The following TTLL11 variants were observed in gnomAD, a reference collection of about 807,000 sequenced individuals.
TTLL11 encodes tubulin polyglutamylase TTLL11.
A neutral mutation model predicts 51.7 loss-of-function variants in TTLL11; 42 were observed. The ratio of observed to expected loss-of-function variants is 0.81; its 90% CI spans 0.64 to 1.05. The LOEUF (loss-of-function observed/expected upper bound fraction) is 1.05, where lower values mean the gene tolerates loss of function less well. Among genes scored for constraint, TTLL11 ranks in the 50% least tolerant of loss-of-function variants. The pLI is 0.00. For synonymous variants in TTLL11, 381 were observed against 383.5 expected (o/e 0.99, Z 0.08); for missense variants, 799 against 940.4 (o/e 0.85, Z 1.97).
rs1286094434 is a variant in TTLL11 at position 121,821,056 on chromosome 9, T to C, written c.*1531A>G. Among the ~76,000 whole-genome samples, 1 of 152,038 alleles carries C rather than the reference T, an allele frequency of 6.6e-6. No individual in the cohort carries two copies. Among genetic ancestry groups the C allele is most frequent in the Non-Finnish European group, 1.5e-5 (1 of 68,006 alleles). On this transcript the variant is annotated 3_prime_UTR_variant, in exon 9 of 9. Transcript: ENST00000321582. This position sits in a 1 kb window ranked among gnomAD's most constrained non-coding sequence, Gnocchi z 5.0. ...AGGATGAACAGAGCAGCCCCTGCTC[T>C]GAAATCGCTTGCCAACAATTGGAGA...
chr9:121,870,617 T>C lies in TTLL11; in HGVS notation c.1613A>G (p.Lys538Arg). 1 of 1,551,764 alleles carries C rather than the reference T, an allele frequency of 6.4e-7. No homozygotes were observed. Among genetic ancestry groups the C allele is most frequent in the South Asian group, 1.2e-5 (1 of 84,054 alleles). The change falls in exon 7 of 9, where the codon AAG becomes AGG. Residue 538 changes from lysine (K) to arginine (R), a missense_variant. Physicochemically the swap from Lys to Arg is conservative, Grantham distance 26. Around this residue, in one of 3 missense-constraint regions of TTLL11, gnomAD observed 468 missense variants for 612.8 expected, o/e 0.76. Coordinates refer to ENST00000321582, the MANE Select transcript of TTLL11 (RefSeq NM_001139442.2). ...PSICLKQVFP[K>R]YAKQFNYLRL... is the part of the protein sequence containing the mutation. ...CAGGTAGTTGAACTGTTTTGCGTAC[T>C]TGGGGAACACCTGCTTGAGGCAAAT...
At chr9:121,978,163 T>C (rs906024794) in intron 4 of TTLL11, among the ~76,000 whole-genome samples, 2 of 152,170 alleles carry the variant, frequency 1.3e-5, no homozygotes, top group African/African-American at 4.8e-5. Flanking sequence ...CTTTATGACA[T>C]TTTTTCACAA....
chr9:122,009,560 A>T (rs1235160665), intron 3 of TTLL11, among the ~76,000 whole-genome samples: 2 of 151,726 alleles, frequency 1.3e-5, no homozygotes, highest in Non-Finnish European at 2.9e-5. Context: ...TATATACCAT[A>T]ATGTGTACAT....
At chr9:122,026,013 C>G (rs1844322416) in intron 3 of TTLL11, among the ~76,000 whole-genome samples, 1 of 152,116 alleles carries the variant, frequency 6.6e-6, no homozygotes, top group South Asian at 2.1e-4. Context: ...CTGAAAGAAG[C>G]CAGACCTCCC....
chr9:122,045,857 G>C (rs1344644441), intron 1 of TTLL11, among the ~76,000 whole-genome samples: 2 of 152,144 alleles, frequency 1.3e-5, no homozygotes, highest in Non-Finnish European at 2.9e-5. Flanking sequence ...AATTCATAGA[G>C]GCAGAAAGTA....
intron 8 of TTLL11, among the ~76,000 whole-genome samples, chr9:121,832,907 T>C (rs1419366369): frequency 6.6e-6 from 1 of 152,176 alleles, no homozygotes; most frequent in Non-Finnish European, 1.5e-5. Flanking sequence ...ATCAGTGCAC[T>C]CCAGCCTGGG....
In TTLL11 at chr9:121,989,085, G is replaced by T. The variant is rs1843016446; in HGVS notation, c.1269+110C>A. 1 of 1,534,856 alleles carries T rather than the reference G, an allele frequency of 6.5e-7. No individual in the cohort carries two copies. The highest frequency in any genetic ancestry group is 8.8e-7 in the Non-Finnish European group (1 of 1,140,524). On this transcript the variant is annotated intron_variant, in intron 4 of 8. Coordinates refer to ENST00000321582, the MANE Select transcript of TTLL11 (RefSeq NM_001139442.2). This position sits in a 1 kb window ranked among gnomAD's most constrained non-coding sequence, Gnocchi z 4.2. ...CCAAGCCCACAGCACCACCAACACTGTCCCCTCCTCTGGCCATCCCACCCC... is the reference window on the plus strand; with the variant it reads ...CCAAGCCCACAGCACCACCAACACTTTCCCCTCCTCTGGCCATCCCACCCC...
intron 1 of TTLL11, among the ~76,000 whole-genome samples, chr9:122,079,581 C>A (rs1472414456): frequency 2.0e-5 from 3 of 151,758 alleles, no homozygotes; most frequent in African/African-American, 7.3e-5. Context: ...TGGTGGCGGG[C>A]GCCTATGGTC....
intron 6 of TTLL11, among the ~76,000 whole-genome samples, chr9:121,933,940 A>T (rs1346099668): frequency 6.6e-6 from 1 of 152,184 alleles, no homozygotes; most frequent in East Asian, 1.9e-4. Context: ...ATTTAAATCC[A>T]TTGGTCCAGC....
chr9:122,032,671 A>ATT (rs143714595), intron 2 of TTLL11, among the ~76,000 whole-genome samples: 13,722 of 150,298 alleles, frequency 0.091, 857 homozygotes, highest in African/African-American at 0.16. Flanking sequence ...AGGTTGGTGG[A>ATT]TTTTTTTTCT....
At chr9:121,993,195 G>A (rs1191916271) in intron 3 of TTLL11, among the ~76,000 whole-genome samples, 2 of 152,144 alleles carry the variant, frequency 1.3e-5, no homozygotes, top group African/African-American at 4.8e-5. Context: ...ATAAGTTCTG[G>A]ACATGGATGA....
chr9:122,031,255 G>C (rs1423738976), intron 3 of TTLL11, among the ~76,000 whole-genome samples: 1 of 152,182 alleles, frequency 6.6e-6, no homozygotes, highest in Admixed American at 6.5e-5. Flanking sequence ...ATTGATTCTG[G>C]AACAAGTTTA....
intron 1 of TTLL11, among the ~76,000 whole-genome samples, chr9:122,090,431 C>CCATTTTTTTTTTTTTTTTTTTTTT (rs1421277124): frequency 2.0e-5 from 3 of 152,160 alleles, no homozygotes; most frequent in African/African-American, 7.2e-5. Context: ...TATGATCCGG[C>CCATTTTTTTTTTTTTTTTTTTTTT]CATACTCAAA....
intron 4 of TTLL11, among the ~76,000 whole-genome samples, chr9:121,986,617 G>C (rs1458271582): frequency 6.6e-6 from 1 of 152,096 alleles, no homozygotes; most frequent in Non-Finnish European, 1.5e-5. Flanking sequence ...ACAGATTTCT[G>C]GGTGGCAATT....
At chr9:121,870,782 T>A (rs1388702398) in intron 6 of TTLL11, 34 bp from the exon 7 acceptor site, 1 of 1,488,574 alleles carries the variant, frequency 6.7e-7, no homozygotes, top group African/African-American at 1.4e-5. Flanking sequence ...ATATAACACT[T>A]TCCCTTTCAG....
intron 6 of TTLL11, among the ~76,000 whole-genome samples, chr9:121,894,056 GGTA>G (rs749460991): frequency 6.6e-6 from 1 of 152,124 alleles, no homozygotes; most frequent in Non-Finnish European, 1.5e-5. Flanking sequence ...CAAAGCCATG[GGTA>G]CTAAGTGTCT....
Position 121,853,187 on chromosome 9 carries a change from T to C in TTLL11, c.1840+7150A>G, listed in dbSNP as rs562146627. ...TTGGTGGGTTGCCGCGGCTGAGCCC[T>C]GGTCCATGGGACATGTGTAGCAGGG... On this transcript the variant is annotated intron_variant, in intron 8 of 8. Transcript: ENST00000321582. This position sits in a 1 kb window ranked among gnomAD's most constrained non-coding sequence, Gnocchi z 5.6. Among the ~76,000 whole-genome samples, 11 of 152,328 alleles carry C rather than the reference T, an allele frequency of 7.2e-5. No homozygotes were observed. The South Asian group carries it at 2.1e-3, about 29-fold the overall frequency.
At chr9:122,050,162 CT>C (rs1845118991) in intron 1 of TTLL11, among the ~76,000 whole-genome samples, 1 of 152,210 alleles carries the variant, frequency 6.6e-6, no homozygotes. Flanking sequence ...ACCTGTCCAC[CT>C]CCCAGGGCTG....
chr9:121,851,819 G>C (rs1837670355), intron 8 of TTLL11, among the ~76,000 whole-genome samples: 1 of 132,742 alleles, frequency 7.5e-6, no homozygotes, highest in Non-Finnish European at 1.6e-5. Flanking sequence ...GGGAGGAACG[G>C]ATGGATGAGA....
Sources: gnomAD v4.1 joint callset for allele counts (sites outside exome capture counted in the v4.1 genomes callset) on GRCh38, gnomAD v4.1.1 for gene constraint, gnomAD v4.1.1 regional missense constraint, Gnocchi (gnomAD v3.1) non-coding constraint, MANE v1.5 for transcripts, NCBI Gene and HGNC (gene_info 2026-07-23, HGNC 2026-07-21) for gene names.